The following ARB2A variants were observed in gnomAD, a reference collection of about 807,000 sequenced individuals.
ARB2A encodes cotranscriptional regulator ARB2A.
At chr5:93,755,819 CAG>C in the ARB2A span, among the ~76,000 whole-genome samples, 1 of 152,162 alleles carries the variant, frequency 6.6e-6, no homozygotes. Context: ...TAAAATTCCA[CAG>C]GGAGAAGGAA....
chr5:93,933,683 A>C, the ARB2A span, among the ~76,000 whole-genome samples: 1 of 152,122 alleles, frequency 6.6e-6, no homozygotes, highest in African/African-American at 2.4e-5. Context: ...GGATAGCATT[A>C]GGAGAAATAC....
At chr5:93,793,721 G>T in the ARB2A span, among the ~76,000 whole-genome samples, 1 of 152,142 alleles carries the variant, frequency 6.6e-6, no homozygotes, top group African/African-American at 2.4e-5. Flanking sequence ...AAGACTCTAA[G>T]ACAACGTTTA....
chr5:94,042,176 C>T, the ARB2A span, among the ~76,000 whole-genome samples: 10 of 151,834 alleles, frequency 6.6e-5, no homozygotes, highest in Middle Eastern at 3.4e-3. Flanking sequence ...AAATTAATCT[C>T]GTAAAAAAAA....
the ARB2A span, among the ~76,000 whole-genome samples, chr5:93,915,173 C>A: frequency 6.6e-6 from 1 of 151,928 alleles, no homozygotes; most frequent in Non-Finnish European, 1.5e-5. Context: ...CACACTCTAT[C>A]AATGACCACA....
chr5:94,093,656 T>C, the ARB2A span, among the ~76,000 whole-genome samples: 7 of 152,302 alleles, frequency 4.6e-5, no homozygotes, highest in East Asian at 1.2e-3. Context: ...AAAATTCATG[T>C]CCTTATCACA....
At chr5:93,727,748 T>C in the ARB2A span, among the ~76,000 whole-genome samples, 2 of 152,120 alleles carry the variant, frequency 1.3e-5, no homozygotes, top group Admixed American at 1.3e-4. Flanking sequence ...TCTTAAGAAA[T>C]AGATCTATCA....
the ARB2A span, among the ~76,000 whole-genome samples, chr5:93,983,550 T>C: frequency 1.3e-5 from 2 of 152,120 alleles, no homozygotes; most frequent in Non-Finnish European, 2.9e-5. Flanking sequence ...ATGCTCTTCC[T>C]TACAGCAGAA....
the ARB2A span, among the ~76,000 whole-genome samples, chr5:93,656,711 CCAAA>C: frequency 7.2e-5 from 11 of 152,036 alleles, no homozygotes; most frequent in Non-Finnish European, 1.0e-4. Context: ...TTTTGTTTCC[CCAAA>C]CAAAGACAGA....
chr5:93,907,189 G>A, the ARB2A span, among the ~76,000 whole-genome samples: 1 of 151,258 alleles, frequency 6.6e-6, no homozygotes, highest in Middle Eastern at 3.2e-3. Context: ...TTCTGTATAA[G>A]TCCCTGCTGT....
At chr5:94,040,043 G>C in the ARB2A span, among the ~76,000 whole-genome samples, 2 of 152,076 alleles carry the variant, frequency 1.3e-5, no homozygotes, top group African/African-American at 4.8e-5. Flanking sequence ...CTTAATAAAA[G>C]GCAAGGACCA....
the ARB2A span, chr5:93,621,100 T>G: frequency 6.2e-7 from 1 of 1,612,096 alleles, no homozygotes; most frequent in Non-Finnish European, 8.5e-7. Context: ...GGAAAGCTCT[T>G]CCAGGAAGTT....
At chr5:93,636,039 A>G in the ARB2A span, among the ~76,000 whole-genome samples, 1 of 152,234 alleles carries the variant, frequency 6.6e-6, no homozygotes, top group Non-Finnish European at 1.5e-5. Flanking sequence ...GTGGGAGCCT[A>G]CAGAAGATAA....
At chr5:93,937,994 T>G in the ARB2A span, among the ~76,000 whole-genome samples, 1 of 152,146 alleles carries the variant, frequency 6.6e-6, no homozygotes, top group Non-Finnish European at 1.5e-5. Flanking sequence ...GAAGAATCCA[T>G]AGTTGTGGCA....
the ARB2A span, among the ~76,000 whole-genome samples, chr5:94,095,019 A>G: frequency 1.3e-5 from 2 of 152,228 alleles, no homozygotes; most frequent in Non-Finnish European, 2.9e-5. Flanking sequence ...CTGTTTAACA[A>G]TACACACAGA....
chr5:93,873,370 GA>G, the ARB2A span, among the ~76,000 whole-genome samples: 19 of 10,598 alleles, frequency 1.8e-3, no homozygotes, highest in African/African-American at 5.0e-3. Flanking sequence ...GAAAGGAAAG[GA>G]AAGGAAAGGA....
the ARB2A span, among the ~76,000 whole-genome samples, chr5:93,935,686 A>C: frequency 3.3e-5 from 5 of 152,242 alleles, no homozygotes; most frequent in Non-Finnish European, 7.3e-5. Context: ...GAGAATCTTC[A>C]TAATGCACAC....
the ARB2A span, among the ~76,000 whole-genome samples, chr5:93,874,918 A>C: frequency 6.6e-6 from 1 of 152,186 alleles, no homozygotes; most frequent in Non-Finnish European, 1.5e-5. Flanking sequence ...CAACTTGAGA[A>C]ATGATGTTAT....
chr5:94,072,759 CAAG>C, the ARB2A span, among the ~76,000 whole-genome samples: 1 of 152,050 alleles, frequency 6.6e-6, no homozygotes, highest in Non-Finnish European at 1.5e-5. Context: ...TTAAGAAATG[CAAG>C]AATTCTTTAC....
the ARB2A span, among the ~76,000 whole-genome samples, chr5:93,751,489 T>G: frequency 2.3e-4 from 35 of 152,278 alleles, no homozygotes; most frequent in African/African-American, 8.4e-4. Context: ...CTCTTAAAAT[T>G]TATCATTAAA....
Sources: allele counts gnomAD v4.1 joint callset (sites outside exome capture counted in the v4.1 genomes callset), GRCh38; gene constraint gnomAD v4.1.1; transcripts MANE v1.5; gene names NCBI Gene and HGNC (gene_info 2026-07-23, HGNC 2026-07-21).